Variants in NKAIN3 observed in about 807,000 individuals in gnomAD.
NKAIN3 encodes the protein sodium/potassium transporting ATPase interacting 3.
Under a neutral mutation model 30.2 loss-of-function variants are expected in NKAIN3, and 25 were observed. The ratio of observed to expected loss-of-function variants is 0.83; its 90% CI spans 0.60 to 1.16. NKAIN3 has a LOEUF of 1.16. NKAIN3 is among the 50% of genes most tolerant of loss of function. NKAIN3 has a pLI of 0.00. For synonymous variants in NKAIN3, 91 were observed against 89.6 expected (o/e 1.02, Z -0.09); for missense variants, 225 against 254.1 (o/e 0.89, Z 0.78).
chr8:62,274,116 G>A (rs1812857142), intron 1 of NKAIN3, among the ~76,000 whole-genome samples: 1 of 152,174 alleles, frequency 6.6e-6, no homozygotes, highest in Non-Finnish European at 1.5e-5. Flanking sequence ...GAGAGTGGAA[G>A]TTAGTCCAAT....
At chr8:62,255,990 G>T (rs1812249566) in intron 1 of NKAIN3, among the ~76,000 whole-genome samples, 1 of 152,158 alleles carries the variant, frequency 6.6e-6, no homozygotes, top group Non-Finnish European at 1.5e-5. Context: ...GAGTTCCCTG[G>T]GTCAGAAGAA....
Position 62,525,030 on chromosome 8 carries a change from G to A in NKAIN3, c.55-54509G>A, listed in dbSNP as rs144891966. Among the ~76,000 whole-genome samples, 11 of 152,162 alleles carry A rather than the reference G, an allele frequency of 7.2e-5. No individual in the cohort carries two copies. In the East Asian group the frequency reaches 2.1e-3, roughly 29 times the overall value. The stretch of plus-strand genomic sequence containing the variant: ...TCTTTGAAGAGGCTACTGTGGTAGG[G>A]GTTGGTATGGAGAGACCCTTGAAGG... On this transcript the variant is annotated intron_variant, in intron 1 of 6. Coordinates refer to ENST00000623646, the MANE Select transcript of NKAIN3 (RefSeq NM_001304533.3).
chr8:62,258,665 G>T (rs1375126123), intron 1 of NKAIN3, among the ~76,000 whole-genome samples: 1 of 145,542 alleles, frequency 6.9e-6, no homozygotes, highest in South Asian at 2.1e-4. Context: ...GTCTAAAAAA[G>T]AAAAAAAGAA....
chr8:62,628,926 G>A lies in NKAIN3; in HGVS notation c.273+39132G>A, dbSNP rs186045692. 8.5e-5 allele frequency among the ~76,000 whole-genome samples: 13 copies of A among 152,266 alleles called. No individual in the cohort carries two copies. In the East Asian group the frequency reaches 2.5e-3, roughly 29 times the overall value. On this transcript the variant is annotated intron_variant, in intron 3 of 6. Coordinates refer to ENST00000623646, the MANE Select transcript of NKAIN3 (RefSeq NM_001304533.3). ...GAACACCTAGCATAGTGGCTGCAAT[G>A]TAGTCATCCTTGATACATATTTGTT...
chr8:62,487,429 G>A (rs1170608576), intron 1 of NKAIN3, among the ~76,000 whole-genome samples: 1 of 152,088 alleles, frequency 6.6e-6, no homozygotes, highest in Non-Finnish European at 1.5e-5. Context: ...AGAGATAAGG[G>A]CAATATGGAC....
At chr8:62,793,452 C>A (rs998476477) in intron 4 of NKAIN3, among the ~76,000 whole-genome samples, 2 of 152,162 alleles carry the variant, frequency 1.3e-5, no homozygotes, top group Non-Finnish European at 2.9e-5. Context: ...AACTTACAAA[C>A]CTGTTTTGAA....
intron 3 of NKAIN3, among the ~76,000 whole-genome samples, chr8:62,597,830 G>A (rs1366015359): frequency 1.3e-5 from 2 of 151,690 alleles, no homozygotes; most frequent in Non-Finnish European, 2.9e-5. Flanking sequence ...GATGATTTTA[G>A]AATAAATCTG....
chr8:62,267,181 G>T (rs1012938664), intron 1 of NKAIN3, among the ~76,000 whole-genome samples: 2 of 152,186 alleles, frequency 1.3e-5, no homozygotes, highest in East Asian at 1.9e-4. Flanking sequence ...TGGTTTCTGA[G>T]TTATAACAAA....
intron 4 of NKAIN3, chr8:62,856,337 G>A (rs72655003): frequency 0.021 from 19,357 of 917,132 alleles, 299 homozygotes; most frequent in South Asian, 0.024. Flanking sequence ...GCTTTAACCT[G>A]CTTAGTGCTT....
intron 3 of NKAIN3, among the ~76,000 whole-genome samples, chr8:62,717,766 G>T (rs1814954708): frequency 6.6e-6 from 1 of 152,098 alleles, no homozygotes; most frequent in Non-Finnish European, 1.5e-5. Flanking sequence ...AAAAATCTTT[G>T]TGATGGTGAA....
At chr8:62,407,526 T>C (rs1244997339) in intron 1 of NKAIN3, among the ~76,000 whole-genome samples, 1 of 150,786 alleles carries the variant, frequency 6.6e-6, no homozygotes, top group African/African-American at 2.4e-5. Context: ...GTCTGTGGAG[T>C]AGCTGGGACT....
chr8:62,882,237 T>A (rs978453246), intron 4 of NKAIN3, among the ~76,000 whole-genome samples: 1 of 152,220 alleles, frequency 6.6e-6, no homozygotes, highest in African/African-American at 2.4e-5. Context: ...AGAGCAGAAC[T>A]TTTTAATTTT....
At position 62,307,235 on chromosome 8, in the gene NKAIN3, G is replaced by A. The variant is rs144307660; in HGVS notation, c.54+58108G>A. On this transcript the variant is annotated intron_variant, in intron 1 of 6. Coordinates refer to ENST00000623646, the MANE Select transcript of NKAIN3 (RefSeq NM_001304533.3). ...ATTGTTTAACAAAACACAGCTTTTT[G>A]TCCCCTTATAGTTTAATTCATTCTC... Among the ~76,000 whole-genome samples the A allele has an allele frequency of 7.8e-3, 1,107 of 141,490 alleles. 97 individuals carry two copies. Among genetic ancestry groups the A allele is most frequent in the African/African-American group, 0.029 (1,054 of 35,836 alleles). The allele number at this position is 141,490 out of a possible 152,430, so 92.8% of individuals were successfully genotyped here.
intron 1 of NKAIN3, among the ~76,000 whole-genome samples, chr8:62,422,017 A>G (rs1012579888): frequency 6.6e-6 from 1 of 152,122 alleles, no homozygotes; most frequent in African/African-American, 2.4e-5. Flanking sequence ...CTGCTATTAC[A>G]GCAGGTTTTT....
chr8:62,504,214 T>G (rs1351546284), intron 1 of NKAIN3, among the ~76,000 whole-genome samples: 2 of 152,124 alleles, frequency 1.3e-5, no homozygotes, highest in Non-Finnish European at 2.9e-5. Context: ...AGTTTCATCC[T>G]GAAACTGTCC....
chr8:62,337,642 AAAC>A (rs752030485), intron 1 of NKAIN3, among the ~76,000 whole-genome samples: 1 of 152,098 alleles, frequency 6.6e-6, no homozygotes, highest in South Asian at 2.1e-4. Context: ...ACACATATAC[AAAC>A]AACACTCACA....
Position 62,391,993 on chromosome 8 carries a change from GACA to G in NKAIN3, c.54+142877_54+142879del, listed in dbSNP as rs554769597. Among the ~76,000 whole-genome samples the G allele has an allele frequency of 1.3e-4, 19 of 151,828 alleles. No individual in the cohort carries two copies. The East Asian group carries it at 3.1e-3, about 25-fold the overall frequency. ...TAATCTCTGACCCTCTCTCAATGAC[GACA>G]ACAACAACAATGACAACAACAAGGA... On this transcript the variant is annotated intron_variant, in intron 1 of 6. Transcript: ENST00000623646.
intron 4 of NKAIN3, among the ~76,000 whole-genome samples, chr8:62,905,917 C>T (rs1395385657): frequency 6.6e-6 from 1 of 152,202 alleles, no homozygotes; most frequent in East Asian, 1.9e-4. Context: ...ATTCTATTAA[C>T]CTCTACATGT....
intron 4 of NKAIN3, among the ~76,000 whole-genome samples, chr8:62,881,920 AG>A (rs1430277460): frequency 6.6e-6 from 1 of 152,192 alleles, no homozygotes; most frequent in Non-Finnish European, 1.5e-5. Flanking sequence ...TGGCGTTGTC[AG>A]CGTTTTTGGA....
Sources: allele counts gnomAD v4.1 joint callset (sites outside exome capture counted in the v4.1 genomes callset), GRCh38; gene constraint gnomAD v4.1.1; transcripts MANE v1.5; gene names NCBI Gene and HGNC (gene_info 2026-07-23, HGNC 2026-07-21).